KRABD3: variants seen among roughly 807,000 people sequenced by gnomAD.
KRABD3 encodes KRAB domain-containing protein 3.
At chr7:149,723,975 A>G in the KRABD3 span, 1 of 1,435,046 alleles carries the variant, frequency 7.0e-7, no homozygotes, top group Non-Finnish European at 9.5e-7. Flanking sequence ...CCCCCACCAC[A>G]AACACTCAGG....
the KRABD3 span, chr7:149,723,727 T>C: frequency 6.7e-7 from 1 of 1,498,254 alleles, no homozygotes; most frequent in Non-Finnish European, 8.9e-7. Flanking sequence ...TGTTCCTTTT[T>C]CCTTAGTGAA....
At chr7:149,734,003 CTG>C in the KRABD3 span, 6 of 1,611,264 alleles carry the variant, frequency 3.7e-6, no homozygotes, top group Non-Finnish European at 5.1e-6. Flanking sequence ...CCAGGAAGAA[CTG>C]TGGGGTGGGG....
chr7:149,733,863 C>T, the KRABD3 span: 17 of 1,595,344 alleles, frequency 1.1e-5, no homozygotes, highest in South Asian at 6.8e-5. Flanking sequence ...GCTGCCTTAC[C>T]CCTGCAGGGA....
At chr7:149,728,420 CT>C in the KRABD3 span, 2 of 1,359,568 alleles carry the variant, frequency 1.5e-6, no homozygotes, top group South Asian at 2.6e-5. Context: ...CCCAGCACCC[CT>C]GTGACCCCCC....
the KRABD3 span, chr7:149,730,507 C>T: frequency 3.5e-5 from 56 of 1,611,034 alleles, no homozygotes; most frequent in African/African-American, 4.7e-4. Flanking sequence ...GCAGCAGTGG[C>T]GGCAGCCCTG....
the KRABD3 span, chr7:149,725,797 C>A: frequency 8.0e-7 from 1 of 1,254,964 alleles, no homozygotes; most frequent in Non-Finnish European, 1.1e-6. Context: ...TACTTTGGGG[C>A]AGGGTCTTCT....
chr7:149,728,472 G>T, the KRABD3 span: 1 of 1,594,020 alleles, frequency 6.3e-7, no homozygotes, highest in Admixed American at 1.7e-5. Flanking sequence ...TCTGCAGTTT[G>T]CAGAGATTGA....
At chr7:149,733,359 A>G in the KRABD3 span, 3 of 1,612,168 alleles carry the variant, frequency 1.9e-6, no homozygotes, top group Non-Finnish European at 2.5e-6. Flanking sequence ...CTGCAGCAGG[A>G]GCTGCACAGC....
the KRABD3 span, chr7:149,715,203 C>T: frequency 1.6e-6 from 2 of 1,219,312 alleles, no homozygotes; most frequent in East Asian, 3.2e-5. Context: ...GGGGTTCGTG[C>T]CGGGAAGTTC....
chr7:149,733,213 C>T, the KRABD3 span: 1 of 1,602,424 alleles, frequency 6.2e-7, no homozygotes, highest in Non-Finnish European at 8.5e-7. Flanking sequence ...TAGCCAAGAC[C>T]CATGAGAGGC....
the KRABD3 span, among the ~76,000 whole-genome samples, chr7:149,732,008 TG>T: frequency 6.6e-6 from 1 of 152,304 alleles, no homozygotes; most frequent in East Asian, 1.9e-4. This position sits in a 1 kb window ranked among gnomAD's most constrained non-coding sequence, Gnocchi z 4.0. Flanking sequence ...GATCAAAGTT[TG>T]GGGCTTGAGG....
the KRABD3 span, chr7:149,725,404 C>T: frequency 6.2e-7 from 1 of 1,611,444 alleles, no homozygotes; most frequent in Non-Finnish European, 8.5e-7. Context: ...CCAGCTGCCA[C>T]CCACTTCTTG....
At chr7:149,733,931 G>T in the KRABD3 span, 2 of 1,596,358 alleles carry the variant, frequency 1.3e-6, no homozygotes, top group African/African-American at 2.7e-5. Flanking sequence ...AGTGGCACCA[G>T]ACGGGATCCC....
the KRABD3 span, chr7:149,729,505 C>G: frequency 1.6e-6 from 2 of 1,258,226 alleles, no homozygotes; most frequent in Non-Finnish European, 2.0e-6. Flanking sequence ...AAGCTGGTGC[C>G]AAACAGAAAC....
the KRABD3 span, chr7:149,720,867 G>A: frequency 1.0e-5 from 16 of 1,603,348 alleles, no homozygotes; most frequent in Admixed American, 1.2e-4. Context: ...GCACCTCACA[G>A]CCCTGGTGCA....
chr7:149,722,808 G>A, the KRABD3 span: 2 of 1,609,648 alleles, frequency 1.2e-6, no homozygotes, highest in Non-Finnish European at 1.7e-6. Context: ...ACAGCCCCTT[G>A]CAAGGCCTCA....
the KRABD3 span, chr7:149,715,485 T>C: frequency 2.5e-6 from 1 of 400,000 alleles, no homozygotes; most frequent in South Asian, 1.0e-4. Flanking sequence ...CGTTTAGATC[T>C]GAGAACTGGA....
chr7:149,733,271 G>C, the KRABD3 span: 4 of 1,612,262 alleles, frequency 2.5e-6, no homozygotes, highest in East Asian at 8.9e-5. Flanking sequence ...TCCCCCTCCG[G>C]AGCTGCCCCC....
chr7:149,730,595 GC>G, the KRABD3 span: 1 of 1,603,896 alleles, frequency 6.2e-7, no homozygotes, highest in Non-Finnish European at 8.5e-7. Flanking sequence ...CTGAGGGGGC[GC>G]CCATGCGTTC....
Sources: gnomAD v4.1 joint callset for allele counts (sites outside exome capture counted in the v4.1 genomes callset) on GRCh38, gnomAD v4.1.1 for gene constraint, Gnocchi (gnomAD v3.1) non-coding constraint, MANE v1.5 for transcripts, NCBI Gene and HGNC (gene_info 2026-07-23, HGNC 2026-07-21) for gene names.